The following PBRM1 variants were observed in gnomAD, a reference collection of about 807,000 sequenced individuals.
The protein encoded by PBRM1 is protein polybromo-1.
Under a neutral mutation model 194.5 loss-of-function variants are expected in PBRM1, and 27 were observed. The ratio of observed to expected loss-of-function variants is 0.14; its 90% CI spans 0.10 to 0.19. PBRM1 has a LOEUF of 0.19. Ranked by LOEUF, PBRM1 falls within the 10% of genes least tolerant of loss-of-function variation. The pLI is 1.00. For synonymous variants in PBRM1, 655 were observed against 693.2 expected (o/e 0.94, Z 0.87); for missense variants, 1,466 against 2,077.2 (o/e 0.71, Z 5.72).
At chr3:52,577,721 A>T (rs890619401) in intron 21 of PBRM1, among the ~76,000 whole-genome samples, 1 of 152,158 alleles carries the variant, frequency 6.6e-6, no homozygotes, top group African/African-American at 2.4e-5. Context: ...TATCTTTTGC[A>T]ATCACCCTGG....
rs10644120 is a variant in PBRM1, at chr3:52,567,565, C to CAAAA, written c.3692-3336_3692-3333dup. Among the ~76,000 whole-genome samples the CAAAA allele has an allele frequency of 8.3e-3, 761 of 91,648 alleles. 7 individuals are homozygous for CAAAA. The highest frequency in any genetic ancestry group is 0.031 in the African/African-American group (705 of 22,752). 60.1% of individuals were successfully genotyped at this position (91,648 alleles called of 152,430 possible). On this transcript the variant is annotated intron_variant, in intron 22 of 29. Transcript: ENST00000296302. ...TCTTTGACAATTTGATAGGTAATCT[C>CAAAA]AAAAAAAAAAAAAAAAGAAAAAAGA...
chr3:52,550,347 T>C (rs1453501445), intron 29 of PBRM1, 74 bp downstream of exon 31: 19 of 631,366 alleles, frequency 3.0e-5, no homozygotes, highest in Non-Finnish European at 4.6e-5. Context: ...TTGTATGATA[T>C]ACTATGCTAA....
chr3:52,619,135 C>T (rs1010973987), intron 13 of PBRM1, among the ~76,000 whole-genome samples: 1 of 152,164 alleles, frequency 6.6e-6, no homozygotes, highest in Admixed American at 6.5e-5. Context: ...CTCAGGTGAT[C>T]CGCCCACCTT....
chr3:52,656,617 A>G (rs2096613066), intron 5 of PBRM1, among the ~76,000 whole-genome samples: 1 of 152,100 alleles, frequency 6.6e-6, no homozygotes, highest in Non-Finnish European at 1.5e-5. Flanking sequence ...GTGAGCCAAG[A>G]TCACGCCATT....
At chr3:52,589,358 A>G (rs2092781708) in intron 17 of PBRM1, 103 bp from the exon 20 acceptor site, 5 of 634,578 alleles carry the variant, frequency 7.9e-6, no homozygotes, top group Non-Finnish European at 1.0e-5. Context: ...TACATTTAAT[A>G]CATTTAATTC....
At chr3:52,567,806 GT>G (rs1163710948) in intron 22 of PBRM1, among the ~76,000 whole-genome samples, 7,902 of 98,156 alleles carry the variant, frequency 0.081, 442 homozygotes, top group African/African-American at 0.2. Flanking sequence ...TAATTTTTGT[GT>G]TTTTTTTTTT....
chr3:52,628,086 C>G (rs1427320850), intron 12 of PBRM1, among the ~76,000 whole-genome samples: 2 of 152,134 alleles, frequency 1.3e-5, no homozygotes, highest in African/African-American at 2.4e-5. Flanking sequence ...TGACCTGAGA[C>G]ATCCTTCCAA....
At chr3:52,604,695 TA>T (rs762706555) in intron 16 of PBRM1, among the ~76,000 whole-genome samples, 346 of 142,938 alleles carry the variant, frequency 2.4e-3, no homozygotes, top group Middle Eastern at 7.2e-3. Context: ...CCCTGTCTGT[TA>T]AAAAAAAAAA....
chr3:52,669,581 G>GT (rs2153992679), intron 2 of PBRM1, among the ~76,000 whole-genome samples: 1 of 152,146 alleles, frequency 6.6e-6, no homozygotes, highest in African/African-American at 2.4e-5. Context: ...TTCTAGATGT[G>GT]TAAGAGATAA....
intron 10 of PBRM1, among the ~76,000 whole-genome samples, chr3:52,635,693 T>C (rs1383383446): frequency 1.3e-5 from 2 of 152,268 alleles, no homozygotes; most frequent in East Asian, 1.9e-4. Context: ...AAAAGTACAA[T>C]AGTTTTAAAG....
intron 17 of PBRM1, among the ~76,000 whole-genome samples, chr3:52,601,017 C>G (rs1159244794): frequency 6.6e-6 from 1 of 152,166 alleles, no homozygotes; most frequent in African/African-American, 2.4e-5. Context: ...CTTGCTTTTT[C>G]TTGATTCCTG....
At position 52,558,723 on chromosome 3, in the gene PBRM1, G is replaced by A. The variant is rs535985082; in HGVS notation, c.4289-310C>T. On this transcript the variant is annotated intron_variant, in intron 25 of 29. Transcript: ENST00000296302. ...GCATAACCACCATGGTTAATCTCAC[G>A]AGGCACCCTGAAGATGAGAAGCGCT... Among the ~76,000 whole-genome samples the A allele has an allele frequency of 2.6e-5, 4 of 152,310 alleles. No individual in the cohort carries two copies. The South Asian group carries it at 8.3e-4, about 32-fold the overall frequency.
rs2080790349 is a variant in PBRM1, at chr3:52,550,831, T to A, written c.4610-14A>T. ...GGTTCATCACACCTATAATTCAGAA[T>A]GCAATGGCACAGTTAGAGGCTCTGG... is the stretch of plus-strand genomic sequence containing the variant. On this transcript the variant is annotated splice_polypyrimidine_tract_variant and intron_variant, in intron 27 of 29. Coordinates refer to ENST00000296302, the Ensembl canonical transcript of PBRM1. 1.9e-6 allele frequency: 3 copies of A among 1,565,774 alleles called. No homozygotes were observed. Among genetic ancestry groups the A allele is most frequent in the Non-Finnish European group, 2.6e-6 (3 of 1,136,690 alleles).
At chr3:52,657,345 T>C (rs2096626141) in intron 5 of PBRM1, among the ~76,000 whole-genome samples, 1 of 151,706 alleles carries the variant, frequency 6.6e-6, no homozygotes, top group Non-Finnish European at 1.5e-5. Context: ...TAATTACCAA[T>C]CAAAAAACAA....
In PBRM1 at chr3:52,674,640, AAAAAT is replaced by A. The variant is rs1229534779; in HGVS notation, c.236+3855_236+3859del. Among the ~76,000 whole-genome samples, 56 of 73,720 alleles carry A rather than the reference AAAAAT, an allele frequency of 7.6e-4. No homozygotes were observed. In the South Asian group the frequency reaches 8.3e-3, roughly 11 times the overall value. 48.4% of individuals were successfully genotyped at this position (73,720 alleles called of 152,430 possible). ...CCCTGTCTCTACCAAAAAAAAAAAA[AAAAAT>A]ATATATATATATATATATATACACA... On this transcript the variant is annotated intron_variant, in intron 2 of 29. Transcript: ENST00000296302.
chr3:52,639,440 CTTTT>C (rs1037221321), intron 10 of PBRM1, among the ~76,000 whole-genome samples: 3 of 145,686 alleles, frequency 2.1e-5, no homozygotes, highest in South Asian at 4.3e-4. Flanking sequence ...CCTTTCTTTT[CTTTT>C]TTTTTTTGGA....
At chr3:52,628,609 T>C (rs1195792666) in intron 12 of PBRM1, among the ~76,000 whole-genome samples, 4 of 151,984 alleles carry the variant, frequency 2.6e-5, no homozygotes, top group African/African-American at 4.8e-5. Flanking sequence ...TAGCTGGGAC[T>C]ACAGGCGTGT....
At chr3:52,673,822 G>A (rs976120078) in intron 2 of PBRM1, among the ~76,000 whole-genome samples, 3 of 151,808 alleles carry the variant, frequency 2.0e-5, no homozygotes, top group African/African-American at 4.8e-5. Context: ...AGGATGAGGT[G>A]GACAGATCAC....
intron 4 of PBRM1, among the ~76,000 whole-genome samples, chr3:52,659,779 T>C (rs2096679989): frequency 1.3e-5 from 2 of 152,130 alleles, no homozygotes; most frequent in Admixed American, 1.3e-4. Flanking sequence ...TCTCCCTCCA[T>C]GAGAATCATT....
Sources: allele counts gnomAD v4.1 joint callset (sites outside exome capture counted in the v4.1 genomes callset), GRCh38; gene constraint gnomAD v4.1.1; transcripts MANE v1.5; gene names NCBI Gene and HGNC (gene_info 2026-07-23, HGNC 2026-07-21).